Variants in FAF1 observed in about 807,000 individuals in gnomAD.
The protein encoded by FAF1 is Fas associated factor 1.
A neutral mutation model predicts 92.5 loss-of-function variants in FAF1; 25 were observed. The ratio of observed to expected loss-of-function variants is 0.27; its 90% confidence interval spans 0.20 to 0.38. FAF1 has a LOEUF of 0.38. FAF1 is among the 10% of genes least tolerant of loss of function. The pLI is 1.00. For missense variants in FAF1, 636 were observed against 793.3 expected, an observed-to-expected ratio of 0.80 and a Z score of 2.38; for synonymous variants, 234 against 273.2, an observed-to-expected ratio of 0.86 and a Z score of 1.42.
At chr1:50,591,836 C>T (rs904327252) in intron 9 of FAF1, among the ~76,000 whole-genome samples, 1 of 152,138 alleles carries the variant, frequency 6.6e-6, no homozygotes, top group African/African-American at 2.4e-5. Flanking sequence ...TCATTTGCTA[C>T]ATCAAATCAT....
chr1:50,538,852 A>G (rs1648620639), intron 14 of FAF1, among the ~76,000 whole-genome samples: 1 of 152,198 alleles, frequency 6.6e-6, no homozygotes, highest in South Asian at 2.1e-4. Context: ...AGGCACTGCA[A>G]TTTACACATA....
intron 8 of FAF1, among the ~76,000 whole-genome samples, chr1:50,635,222 T>C (rs1653956915): frequency 6.6e-6 from 1 of 152,218 alleles, no homozygotes; most frequent in Non-Finnish European, 1.5e-5. Flanking sequence ...AAAGACATAC[T>C]GCCTACCTAA....
At chr1:50,619,677 T>C (rs1653098893) in intron 8 of FAF1, among the ~76,000 whole-genome samples, 1 of 152,142 alleles carries the variant, frequency 6.6e-6, no homozygotes, top group Non-Finnish European at 1.5e-5. Context: ...CTTTAAGATT[T>C]TTTCTTTTAC....
At chr1:50,745,091 T>C (rs116402191) in intron 4 of FAF1, among the ~76,000 whole-genome samples, 1,975 of 152,152 alleles carry the variant, frequency 0.013, 42 homozygotes, top group African/African-American at 0.043. Context: ...AGTTCAAGAC[T>C]GGTCTGACCA....
intron 18 of FAF1, among the ~76,000 whole-genome samples, chr1:50,459,003 G>A (rs1429739219): frequency 7.0e-6 from 1 of 142,624 alleles, no homozygotes; most frequent in African/African-American, 2.6e-5. Context: ...ACAGAGTCTT[G>A]TTCTGTCACC....
intron 1 of FAF1, among the ~76,000 whole-genome samples, chr1:50,898,439 C>G (rs1358840729): frequency 1.3e-5 from 2 of 152,064 alleles, no homozygotes; most frequent in Non-Finnish European, 2.9e-5. Flanking sequence ...TTGAGCTTGT[C>G]CTATATTCTA....
At chr1:50,882,269 T>A (rs1644618085) in intron 1 of FAF1, among the ~76,000 whole-genome samples, 1 of 152,056 alleles carries the variant, frequency 6.6e-6, no homozygotes, top group South Asian at 2.1e-4. Flanking sequence ...TGTAAGAAGA[T>A]CTAAAATGAA....
intron 4 of FAF1, among the ~76,000 whole-genome samples, chr1:50,785,964 T>G (rs897149432): frequency 1.3e-5 from 2 of 151,182 alleles, no homozygotes; most frequent in African/African-American, 4.9e-5. Context: ...AGACTCCTTC[T>G]CTACAAAGAA....
At chr1:50,807,327 G>A (rs531327188) in intron 2 of FAF1, among the ~76,000 whole-genome samples, 20 of 152,362 alleles carry the variant, frequency 1.3e-4, no homozygotes, top group African/African-American at 3.8e-4. Flanking sequence ...TTGACTCACA[G>A]TTCCACAGGC....
chr1:50,864,353 T>C (rs369598088), intron 1 of FAF1, among the ~76,000 whole-genome samples: 34,286 of 150,914 alleles, frequency 0.23, 4,213 homozygotes, highest in Middle Eastern at 0.43. Context: ...TGCTATAAAT[T>C]TCCCTCTACA....
intron 15 of FAF1, among the ~76,000 whole-genome samples, chr1:50,519,976 A>G (rs1378159392): frequency 1.3e-5 from 2 of 152,210 alleles, no homozygotes; most frequent in African/African-American, 2.4e-5. Context: ...CATCTAAAGG[A>G]ATGCATCATC....
At chr1:50,846,815 A>G (rs1041375306) in intron 2 of FAF1, 5 of 627,736 alleles carry the variant, frequency 8.0e-6, no homozygotes, top group East Asian at 8.0e-5. Context: ...AAGGAAAATT[A>G]TATTACACAA....
At chr1:50,767,447 T>C (rs1660617413) in intron 4 of FAF1, among the ~76,000 whole-genome samples, 1 of 152,116 alleles carries the variant, frequency 6.6e-6, no homozygotes, top group African/African-American at 2.4e-5. Context: ...AACATTCAAA[T>C]ATAAGAAATG....
At chr1:50,460,613 G>T (rs1185431079) in intron 18 of FAF1, among the ~76,000 whole-genome samples, 1 of 152,044 alleles carries the variant, frequency 6.6e-6, no homozygotes, top group Non-Finnish European at 1.5e-5. Context: ...GTGTGTGTGT[G>T]TGTGTGTGTG....
intron 1 of FAF1, among the ~76,000 whole-genome samples, chr1:50,933,403 T>C (rs1436615409): frequency 1.3e-5 from 2 of 152,196 alleles, no homozygotes; most frequent in Admixed American, 6.5e-5. Flanking sequence ...AGGGGCACAA[T>C]GCCACCAGTC....
intron 2 of FAF1, among the ~76,000 whole-genome samples, chr1:50,813,671 G>C (rs1030809878): frequency 6.6e-6 from 1 of 152,034 alleles, no homozygotes; most frequent in Non-Finnish European, 1.5e-5. Flanking sequence ...CCATGTTGTT[G>C]AGGCTTGTCT....
At chr1:50,693,605 T>C (rs1010651171) in intron 7 of FAF1, among the ~76,000 whole-genome samples, 1 of 152,152 alleles carries the variant, frequency 6.6e-6, no homozygotes, top group Non-Finnish European at 1.5e-5. Flanking sequence ...GGTAAAAGTC[T>C]ACTTTAAGAT....
At chr1:50,586,065 C>T (rs1651218253) in intron 9 of FAF1, among the ~76,000 whole-genome samples, 1 of 151,812 alleles carries the variant, frequency 6.6e-6, no homozygotes, top group South Asian at 2.1e-4. Context: ...AAATAAAAGA[C>T]TCATAAAAAT....
At chr1:50,458,800 A>C (rs1178402236) in intron 18 of FAF1, among the ~76,000 whole-genome samples, 1 of 152,142 alleles carries the variant, frequency 6.6e-6, no homozygotes, top group Non-Finnish European at 1.5e-5. Context: ...ACTTCATTTC[A>C]TTTTTACAAC....
Sources: gnomAD v4.1 joint callset for allele counts (sites outside exome capture counted in the v4.1 genomes callset) on GRCh38, gnomAD v4.1.1 for gene constraint, MANE v1.5 for transcripts, NCBI Gene and HGNC (gene_info 2026-07-23, HGNC 2026-07-21) for gene names.